Variants in CHRM2 observed in about 807,000 individuals in gnomAD.
The protein encoded by CHRM2 is muscarinic acetylcholine receptor M2.
Under a neutral mutation model 25.0 loss-of-function variants are expected in CHRM2, and 8 were observed. The observed-to-expected ratio is 0.32, with a 90% CI of 0.19 to 0.58. The LOEUF (loss-of-function observed/expected upper bound fraction) is 0.58, where lower values mean the gene tolerates loss of function less well. Ranked by LOEUF, CHRM2 falls within the 20% of genes least tolerant of loss-of-function variation. The pLI is 0.88. For missense variants in CHRM2, 440 were observed against 567.1 expected (o/e 0.78, Z 2.28); for synonymous variants, 202 against 205.7 (o/e 0.98, Z 0.15).
intron 2 of CHRM2, chr7:136,906,968 G>A (rs941557369): frequency 6.5e-6 from 1 of 154,312 alleles, no homozygotes; most frequent in Non-Finnish European, 1.4e-5. Flanking sequence ...GGCCCCATCT[G>A]GGGGTGATGG....
At chr7:136,995,761 G>C (rs1169629617) in intron 3 of CHRM2, among the ~76,000 whole-genome samples, 1 of 151,706 alleles carries the variant, frequency 6.6e-6, no homozygotes, top group Non-Finnish European at 1.5e-5. Context: ...GCAAGAACCT[G>C]TCTCTAAATA....
At chr7:136,923,072 C>A (rs915305852) in intron 2 of CHRM2, among the ~76,000 whole-genome samples, 1 of 151,966 alleles carries the variant, frequency 6.6e-6, no homozygotes, top group Non-Finnish European at 1.5e-5. Context: ...ATTACAATGC[C>A]ATTTGGTAGA....
chr7:136,967,134 C>T (rs563039724), intron 2 of CHRM2, among the ~76,000 whole-genome samples: 1 of 152,046 alleles, frequency 6.6e-6, no homozygotes, highest in African/African-American at 2.4e-5. Context: ...ATTTTGATTG[C>T]AACTAGCCAT....
intron 2 of CHRM2, among the ~76,000 whole-genome samples, chr7:136,946,333 A>T (rs1039608435): frequency 1.3e-5 from 2 of 152,214 alleles, no homozygotes; most frequent in African/African-American, 4.8e-5. Context: ...TTTGCAAAGC[A>T]TTTATTTAAT....
intron 2 of CHRM2, among the ~76,000 whole-genome samples, chr7:136,939,961 C>G (rs1236806598): frequency 1.3e-5 from 2 of 152,138 alleles, no homozygotes; most frequent in Non-Finnish European, 2.9e-5. Flanking sequence ...TTATTCTGTA[C>G]TGGGTTCTTC....
chr7:136,972,141 G>A (rs190671062), intron 2 of CHRM2, among the ~76,000 whole-genome samples: 133 of 149,234 alleles, frequency 8.9e-4, no homozygotes, highest in African/African-American at 2.5e-3. Flanking sequence ...TTTTTTTTTC[G>A]TGGATTTTCT....
intron 2 of CHRM2, among the ~76,000 whole-genome samples, chr7:136,914,730 G>A (rs1054263921): frequency 2.0e-5 from 3 of 151,836 alleles, no homozygotes; most frequent in East Asian, 1.9e-4. Flanking sequence ...TTATAAAATA[G>A]GGATGTTAAT....
chr7:136,897,907 T>C (rs970000548), intron 2 of CHRM2, among the ~76,000 whole-genome samples: 5 of 152,152 alleles, frequency 3.3e-5, no homozygotes, highest in African/African-American at 1.2e-4. Context: ...CTAAATGTCA[T>C]CTCTATCCAA....
At chr7:136,891,478 G>A (rs986873483) in intron 2 of CHRM2, among the ~76,000 whole-genome samples, 1 of 152,164 alleles carries the variant, frequency 6.6e-6, no homozygotes, top group Non-Finnish European at 1.5e-5. Context: ...AAGATCAAAA[G>A]TACATGCTAT....
chr7:137,004,156 C>A (rs1173646208), intron 3 of CHRM2, among the ~76,000 whole-genome samples: 1 of 152,134 alleles, frequency 6.6e-6, no homozygotes, highest in African/African-American at 2.4e-5. Context: ...TTGCTGTCTA[C>A]TGGAAGATCT....
At chr7:136,972,772 C>T (rs999145677) in intron 2 of CHRM2, among the ~76,000 whole-genome samples, 6 of 142,078 alleles carry the variant, frequency 4.2e-5, no homozygotes, top group East Asian at 4.3e-4. Context: ...ACGATGGTGA[C>T]GGTGTTAGGG....
intron 2 of CHRM2, chr7:136,899,538 A>G (rs559160638): frequency 4.7e-4 from 71 of 152,250 alleles, no homozygotes; most frequent in Middle Eastern, 3.4e-3. Context: ...GCTAAGAAGT[A>G]TGATGTTTAA....
Position 136,915,325 on chromosome 7 carries a change from A to G in CHRM2, c.-125+45907A>G, listed in dbSNP as rs79120299. On this transcript the variant is annotated intron_variant, in intron 2 of 3. Transcript: ENST00000680005. ...CTGAACTAATTAATTAAGGCTGTGCATGCACACCATCAGATTGTTACTGCA... is the reference window on the plus strand; with the variant it reads ...CTGAACTAATTAATTAAGGCTGTGCGTGCACACCATCAGATTGTTACTGCA... 2.5e-3 allele frequency among the ~76,000 whole-genome samples: 379 copies of G among 152,046 alleles called. 1 individual carries two copies. The highest frequency in any genetic ancestry group is 3.5e-3 in the Non-Finnish European group (236 of 67,892).
intron 2 of CHRM2, among the ~76,000 whole-genome samples, chr7:136,936,292 G>T (rs1799406242): frequency 6.6e-6 from 1 of 152,044 alleles, no homozygotes; most frequent in Non-Finnish European, 1.5e-5. Context: ...ATATACTTTA[G>T]ATTAAAATAT....
At chr7:136,939,909 G>A (rs957772776) in intron 2 of CHRM2, among the ~76,000 whole-genome samples, 1 of 152,146 alleles carries the variant, frequency 6.6e-6, no homozygotes, top group Admixed American at 6.5e-5. Flanking sequence ...AATATTGATT[G>A]TATAACAATT....
At chr7:136,918,170 T>C (rs1798227399) in intron 2 of CHRM2, among the ~76,000 whole-genome samples, 1 of 152,098 alleles carries the variant, frequency 6.6e-6, no homozygotes, top group Non-Finnish European at 1.5e-5. Context: ...CTCGGTGCTG[T>C]TCACTTTAAA....
chr7:136,880,011 AC>A (rs1335281117), intron 2 of CHRM2, among the ~76,000 whole-genome samples: 1 of 150,348 alleles, frequency 6.7e-6, no homozygotes, highest in Non-Finnish European at 1.5e-5. Context: ...CTTCTTCATC[AC>A]AGTGCAAGTT....
chr7:136,997,229 T>A (rs1177851087), intron 3 of CHRM2, among the ~76,000 whole-genome samples: 1 of 152,210 alleles, frequency 6.6e-6, no homozygotes, highest in African/African-American at 2.4e-5. Flanking sequence ...TGCTCATGTA[T>A]GTGTGTAGGA....
chr7:136,948,314 G>A (rs145182181), intron 2 of CHRM2, among the ~76,000 whole-genome samples: 45 of 151,964 alleles, frequency 3.0e-4, no homozygotes, highest in African/African-American at 1.1e-3. Flanking sequence ...AAAGAAAGGT[G>A]GTGAGCTGGA....
Sources: allele counts gnomAD v4.1 joint callset (sites outside exome capture counted in the v4.1 genomes callset), GRCh38; gene constraint gnomAD v4.1.1; transcripts MANE v1.5; gene names NCBI Gene and HGNC (gene_info 2026-07-23, HGNC 2026-07-21).